RBPJ: variants seen among roughly 807,000 people sequenced by gnomAD.
The protein encoded by RBPJ is recombination signal binding protein for immunoglobulin kappa J region.
RBPJ carries 9 observed loss-of-function variants against 67.8 expected under a neutral mutation model. The observed-to-expected ratio is 0.13, with a 90% CI of 0.08 to 0.23. The LOEUF is 0.23. RBPJ is among the 10% of genes least tolerant of loss of function. The probability of loss-of-function intolerance (pLI) is 1.00; values close to 1 mark genes in which losing one functional copy is unlikely to be tolerated. For missense variants in RBPJ, 305 were observed against 595.6 expected, an observed-to-expected ratio of 0.51 and a Z score of 5.08; for synonymous variants, 198 against 203.3, an observed-to-expected ratio of 0.97 and a Z score of 0.22.
chr4:26,115,112 A>T, the RBPJ span, among the ~76,000 whole-genome samples: 7 of 152,306 alleles, frequency 4.6e-5, no homozygotes, highest in Middle Eastern at 3.4e-3. Context: ...CACCATCAAA[A>T]TCGGCAAACT....
chr4:26,372,549 A>G (rs568769234), intron 1 of RBPJ, among the ~76,000 whole-genome samples: 49 of 152,306 alleles, frequency 3.2e-4, no homozygotes, highest in Non-Finnish European at 6.3e-4. Context: ...TCAAGTAAAT[A>G]CATAACATGA....
intron 1 of RBPJ, among the ~76,000 whole-genome samples, chr4:26,292,805 T>C (rs57842117): frequency 0.049 from 7,322 of 150,494 alleles, 812 homozygotes; most frequent in African/African-American, 0.17. Context: ...TACATATATA[T>C]ATATATGGTG....
At chr4:26,254,162 G>C (rs1364940445) in intron 1 of RBPJ, among the ~76,000 whole-genome samples, 1 of 148,882 alleles carries the variant, frequency 6.7e-6, no homozygotes, top group African/African-American at 2.6e-5. Context: ...CATCCCAGCT[G>C]GTCTCCTGCT....
At chr4:26,154,877 G>T in the RBPJ span, among the ~76,000 whole-genome samples, 1 of 152,136 alleles carries the variant, frequency 6.6e-6, no homozygotes, top group African/African-American at 2.4e-5. Flanking sequence ...ATCACCCAGG[G>T]CATGGTGTGA....
At chr4:26,271,750 C>T (rs952434023) in intron 1 of RBPJ, among the ~76,000 whole-genome samples, 9 of 152,154 alleles carry the variant, frequency 5.9e-5, no homozygotes, top group Admixed American at 1.3e-4. Context: ...TCTAAGACCT[C>T]GCCTTCTATG....
chr4:26,413,957 T>C (rs1275006401), intron 3 of RBPJ, among the ~76,000 whole-genome samples: 1 of 152,214 alleles, frequency 6.6e-6, no homozygotes, highest in Non-Finnish European at 1.5e-5. Context: ...TAGGCCTGCA[T>C]GCCCATAGTT....
chr4:26,322,228 G>GTA (rs1206276401), intron 1 of RBPJ: 1 of 152,194 alleles, frequency 6.6e-6, no homozygotes, highest in African/African-American at 2.4e-5. Flanking sequence ...GGCTCAAGAT[G>GTA]TATATATGTG....
At chr4:26,107,134 T>C in the RBPJ span, among the ~76,000 whole-genome samples, 1 of 152,214 alleles carries the variant, frequency 6.6e-6, no homozygotes, top group South Asian at 2.1e-4. Context: ...AAGGAGAGAT[T>C]CAACTCTGGG....
chr4:26,341,206 A>C (rs1262256160), intron 1 of RBPJ, among the ~76,000 whole-genome samples: 1 of 152,224 alleles, frequency 6.6e-6, no homozygotes, highest in African/African-American at 2.4e-5. Flanking sequence ...GGAGACTGAG[A>C]AAGAGGTGCC....
chr4:26,203,108 G>A (rs2109157319), intron 1 of RBPJ, among the ~76,000 whole-genome samples: 1 of 152,220 alleles, frequency 6.6e-6, no homozygotes, highest in East Asian at 1.9e-4. Context: ...GCATATTTTG[G>A]CTAAAAAGGG....
chr4:26,237,653 C>T (rs999224229), intron 1 of RBPJ, among the ~76,000 whole-genome samples: 1 of 152,148 alleles, frequency 6.6e-6, no homozygotes, highest in African/African-American at 2.4e-5. Context: ...TCCAGCATTG[C>T]CTACTTACTA....
the RBPJ span, among the ~76,000 whole-genome samples, chr4:26,130,127 C>T: frequency 6.6e-6 from 1 of 152,162 alleles, no homozygotes; most frequent in Non-Finnish European, 1.5e-5. Context: ...CTCCAAAGTG[C>T]TGGGATTACA....
At chr4:26,253,893 G>A (rs541485457) in intron 1 of RBPJ, among the ~76,000 whole-genome samples, 1 of 148,906 alleles carries the variant, frequency 6.7e-6, no homozygotes, top group South Asian at 2.1e-4. Context: ...CACTCTCTCC[G>A]TTTACAAATA....
At position 26,434,061 on chromosome 4, in the gene RBPJ, T is replaced by C. The variant is rs1252187249; in HGVS notation, c.*3054T>C. On this transcript the variant is annotated 3_prime_UTR_variant, in exon 11 of 11. Transcript: ENST00000355476. ...GTTCCATTTAATTTATCACATAGAT[T>C]GGGAAGGCAAGCTAAAAGCCTTAAA... is the stretch of plus-strand genomic sequence containing the variant. 1.3e-5 allele frequency: 2 copies of C among 152,214 alleles called. No homozygotes were observed. Among genetic ancestry groups the C allele is most frequent in the Non-Finnish European group, 2.9e-5 (2 of 68,030 alleles). 9.4% of individuals were successfully genotyped at this position (152,214 alleles called of 1,614,324 possible). A position where few individuals can be genotyped will look rare whatever the true frequency, so the allele number is the denominator to read the frequency against.
At chr4:26,280,847 T>A (rs780339722) in intron 1 of RBPJ, among the ~76,000 whole-genome samples, 6 of 151,612 alleles carry the variant, frequency 4.0e-5, no homozygotes, top group Non-Finnish European at 5.9e-5. Flanking sequence ...TGGATAAAAC[T>A]TTTTTTTTCA....
At chr4:26,247,114 C>CT (rs1216822114) in intron 1 of RBPJ, among the ~76,000 whole-genome samples, 3 of 151,392 alleles carry the variant, frequency 2.0e-5, no homozygotes, top group South Asian at 2.1e-4. Context: ...CTTTATAGTA[C>CT]TTTTTTGTGG....
intron 1 of RBPJ, among the ~76,000 whole-genome samples, chr4:26,255,335 C>A (rs1287037016): frequency 6.8e-5 from 7 of 103,148 alleles, no homozygotes; most frequent in African/African-American, 1.5e-4. Context: ...ACCCAGGAGG[C>A]GGAGCTTGCA....
At chr4:26,249,791 CTTT>C (rs1329128596) in intron 1 of RBPJ, among the ~76,000 whole-genome samples, 2 of 128,794 alleles carry the variant, frequency 1.6e-5, no homozygotes, top group Non-Finnish European at 1.7e-5. Context: ...TTTTTTTTTT[CTTT>C]TTTTTTTTTT....
At chr4:26,318,160 C>G (rs746034293), upstream of RBPJ, among the ~76,000 whole-genome samples, 4 of 152,064 alleles carry the variant, frequency 2.6e-5, no homozygotes, top group Non-Finnish European at 5.9e-5. Flanking sequence ...CCCCTAAAAC[C>G]TTGAAAACAA....
Sources: gnomAD v4.1 joint callset for allele counts (sites outside exome capture counted in the v4.1 genomes callset) on GRCh38, gnomAD v4.1.1 for gene constraint, MANE v1.5 for transcripts, NCBI Gene and HGNC (gene_info 2026-07-23, HGNC 2026-07-21) for gene names.